The following BRINP1 variants were observed in gnomAD, a reference collection of about 807,000 sequenced individuals.
BRINP1 encodes the protein BMP/retinoic acid-inducible neural-specific protein 1.
BRINP1 carries 17 observed loss-of-function variants against 72.9 expected under a neutral mutation model. That is an observed-to-expected ratio of 0.23 (90% CI 0.16 to 0.35). BRINP1 has a LOEUF of 0.35. BRINP1 is among the 10% of genes least tolerant of loss of function. BRINP1 has a pLI of 1.00. For missense variants in BRINP1, 850 were observed against 1,001.6 expected (o/e 0.85, Z 2.04); for synonymous variants, 418 against 378.5 (o/e 1.10, Z -1.21).
intron 5 of BRINP1, among the ~76,000 whole-genome samples, chr9:119,227,916 G>A (rs983430756): frequency 6.6e-6 from 1 of 151,976 alleles, no homozygotes; most frequent in Non-Finnish European, 1.5e-5. Flanking sequence ...TGGGCTAGTG[G>A]TTATAAGCTC....
chr9:119,321,032 G>T (rs975983890), intron 1 of BRINP1, among the ~76,000 whole-genome samples: 1 of 151,982 alleles, frequency 6.6e-6, no homozygotes, highest in African/African-American at 2.4e-5. Flanking sequence ...CCGGGTTCAC[G>T]CCATTCTCCT....
intron 5 of BRINP1, among the ~76,000 whole-genome samples, chr9:119,225,835 A>C (rs1830084750): frequency 6.6e-6 from 1 of 152,030 alleles, no homozygotes; most frequent in Admixed American, 6.6e-5. Context: ...TACTGTTGCT[A>C]AATTTAACAC....
rs1017414927 is a variant in BRINP1, at chr9:119,368,170, G to T, written c.-51+886C>A. On this transcript the variant is annotated intron_variant, in intron 1 of 7. Transcript: ENST00000265922. The surrounding 1 kb of genome is among the most constrained non-coding windows in gnomAD (Gnocchi z 4.7). ...CCCCAAAACCAACAGAAGCCGGAGG[G>T]GCTCTGTTGATTGCAAACGGGGATG... Among the ~76,000 whole-genome samples, 17 of 152,286 alleles carry T rather than the reference G, an allele frequency of 1.1e-4. 1 individual carries two copies. The highest frequency in any genetic ancestry group is 3.4e-3 in the Middle Eastern group (1 of 294).
rs148135074 is a variant in BRINP1, at chr9:119,231,190, A to C, written c.685+7465T>G. 1.7e-4 allele frequency among the ~76,000 whole-genome samples: 26 copies of C among 152,248 alleles called. No individual in the cohort carries two copies. The East Asian group carries it at 4.8e-3, about 28-fold the overall frequency. ...AATCATACAATTTAAAATCTATGAT[A>C]GGCAATCAAGAAATAAAGATCAAGA... On this transcript the variant is annotated intron_variant, in intron 5 of 7. Coordinates refer to ENST00000265922, the MANE Select transcript of BRINP1 (RefSeq NM_014618.3).
At chr9:119,214,978 T>C (rs574861441) in intron 5 of BRINP1, among the ~76,000 whole-genome samples, 31 of 152,198 alleles carry the variant, frequency 2.0e-4, no homozygotes, top group Non-Finnish European at 3.1e-4. Flanking sequence ...CTTTATTATA[T>C]GCTAGGGAAT....
At chr9:119,185,514 A>T (rs767646271) in intron 7 of BRINP1, among the ~76,000 whole-genome samples, 18 of 152,234 alleles carry the variant, frequency 1.2e-4, no homozygotes, top group Non-Finnish European at 2.5e-4. Context: ...GAGGTGGCTA[A>T]CACTCGTTGC....
chr9:119,178,851 G>T (rs892006197), intron 7 of BRINP1, among the ~76,000 whole-genome samples: 2 of 152,274 alleles, frequency 1.3e-5, no homozygotes, highest in Admixed American at 6.5e-5. Flanking sequence ...TAATGATATG[G>T]TGAGTAATAA....
chr9:119,230,608 T>A (rs1232464586), intron 5 of BRINP1, among the ~76,000 whole-genome samples: 1 of 151,062 alleles, frequency 6.6e-6, no homozygotes, highest in Non-Finnish European at 1.5e-5. Flanking sequence ...ATGAAGAGAG[T>A]CCGGGTGCAT....
chr9:119,263,076 T>A (rs1341826207), intron 2 of BRINP1, among the ~76,000 whole-genome samples: 1 of 152,126 alleles, frequency 6.6e-6, no homozygotes, highest in African/African-American at 2.4e-5. Flanking sequence ...GACCCCTGAC[T>A]CTCCCCTCAC....
intron 7 of BRINP1, among the ~76,000 whole-genome samples, chr9:119,203,894 C>T (rs2118865776): frequency 6.6e-6 from 1 of 152,316 alleles, no homozygotes; most frequent in Admixed American, 6.5e-5. Context: ...CCCCTGCCCC[C>T]ATAATGAACT....
chr9:119,188,432 A>T lies in BRINP1; in HGVS notation c.1146-20208T>A, dbSNP rs543557136. 9.5e-4 allele frequency among the ~76,000 whole-genome samples: 145 copies of T among 152,314 alleles called. 3 individuals carry two copies. Among genetic ancestry groups the T allele is most frequent in the Admixed American group, 2.0e-4 (3 of 15,298 alleles). On this transcript the variant is annotated intron_variant, in intron 7 of 7. Transcript: ENST00000265922. Reference sequence around the variant, plus strand: ...ATAAAGTCTTTCCCAGACAAAGAAAAGCTGAGAAGATTCATCGCCACTAGA... The same window carrying T: ...ATAAAGTCTTTCCCAGACAAAGAAATGCTGAGAAGATTCATCGCCACTAGA...
chr9:119,263,662 C>CA (rs1235955464), intron 2 of BRINP1, among the ~76,000 whole-genome samples: 2 of 116,612 alleles, frequency 1.7e-5, no homozygotes, highest in African/African-American at 6.6e-5. Flanking sequence ...GGCTGGAGTG[C>CA]AGTGGTGCGA....
At chr9:119,248,647 C>T (rs1830347453) in intron 3 of BRINP1, among the ~76,000 whole-genome samples, 1 of 152,146 alleles carries the variant, frequency 6.6e-6, no homozygotes, top group African/African-American at 2.4e-5. Context: ...ATTATTTTCC[C>T]AGATTAGACC....
At chr9:119,322,494 G>A (rs1395401228) in intron 1 of BRINP1, among the ~76,000 whole-genome samples, 2 of 152,210 alleles carry the variant, frequency 1.3e-5, no homozygotes, top group Non-Finnish European at 1.5e-5. Context: ...TCAGGAGGAG[G>A]AGATGAGAGA....
At chr9:119,243,471 G>T (rs187538645) in intron 3 of BRINP1, among the ~76,000 whole-genome samples, 164 of 152,220 alleles carry the variant, frequency 1.1e-3, no homozygotes, top group Non-Finnish European at 1.3e-3. Context: ...CATTTGAGTT[G>T]ATTCTATGTC....
rs147968211 is a variant in BRINP1 at position 119,364,664 on chromosome 9, G to C, written c.-51+4392C>G. On this transcript the variant is annotated intron_variant, in intron 1 of 7. Transcript: ENST00000265922. ...ACAGTTTCAAATTCTAGCTGTGATG[G>C]TTGTGTGACCTTGATCAAGGAGTCT... Among the ~76,000 whole-genome samples the C allele has an allele frequency of 3.1e-3, 477 of 152,318 alleles. 1 individual carries two copies. The highest frequency in any genetic ancestry group is 5.8e-3 in the Non-Finnish European group (395 of 68,036).
chr9:119,170,606 G>T (rs1172652535), intron 7 of BRINP1, among the ~76,000 whole-genome samples: 2 of 149,942 alleles, frequency 1.3e-5, no homozygotes, highest in Non-Finnish European at 3.0e-5. Flanking sequence ...GCAGGCCAAC[G>T]TTCAGATTCA....
At chr9:119,186,783 T>C (rs1829626059) in intron 7 of BRINP1, among the ~76,000 whole-genome samples, 1 of 152,168 alleles carries the variant, frequency 6.6e-6, no homozygotes, top group Non-Finnish European at 1.5e-5. Context: ...GCACTGCTAT[T>C]TGAACCCTAG....
intron 2 of BRINP1, chr9:119,283,096 C>T: frequency 1.0e-6 from 1 of 985,238 alleles, no homozygotes; most frequent in Non-Finnish European, 1.2e-6. Flanking sequence ...ACTAGCAGTT[C>T]ACAGAGCTTG....
Sources: allele counts gnomAD v4.1 joint callset (sites outside exome capture counted in the v4.1 genomes callset), GRCh38; gene constraint gnomAD v4.1.1; non-coding constraint Gnocchi (gnomAD v3.1); transcripts MANE v1.5; gene names NCBI Gene and HGNC (gene_info 2026-07-23, HGNC 2026-07-21).